The following HDAC4 variants were observed in gnomAD, a reference collection of about 807,000 sequenced individuals.
HDAC4 encodes the protein histone deacetylase 4.
A neutral mutation model predicts 135.1 loss-of-function variants in HDAC4; 16 were observed. The observed-to-expected ratio is 0.12, with a 90% CI of 0.08 to 0.18. The LOEUF is 0.18. Ranked by LOEUF, HDAC4 falls within the 10% of genes least tolerant of loss-of-function variation. The pLI is 1.00. For missense variants in HDAC4, 1,143 were observed against 1,511.8 expected (o/e 0.76, Z 4.05); for synonymous variants, 685 against 653.4 (o/e 1.05, Z -0.74).
Position 239,146,456 on chromosome 2 carries a change from A to G in HDAC4, c.734-1742T>C, listed in dbSNP as rs1463090152. Among the ~76,000 whole-genome samples, 7 of 152,148 alleles carry G rather than the reference A, an allele frequency of 4.6e-5. No individual in the cohort carries two copies. ...GGTCTTCCTCAGTGGCTGCCCTGCCACATAGAGTGGGACACGTGGCATCGG... is the reference window on the plus strand; with the variant it reads ...GGTCTTCCTCAGTGGCTGCCCTGCCGCATAGAGTGGGACACGTGGCATCGG... On this transcript the variant is annotated intron_variant, in intron 7 of 26. Coordinates refer to ENST00000543185, the MANE Select transcript of HDAC4 (RefSeq NM_001378414.1). The surrounding 1 kb of genome is among the most constrained non-coding windows in gnomAD (Gnocchi z 4.5).
chr2:239,344,816 G>A (rs62182116), intron 2 of HDAC4, among the ~76,000 whole-genome samples: 38,575 of 152,046 alleles, frequency 0.25, 5,631 homozygotes, highest in Non-Finnish European at 0.34. Context: ...AACATCAGCC[G>A]GAACTATCCA....
chr2:239,339,097 T>C (rs1307549278), intron 2 of HDAC4, among the ~76,000 whole-genome samples: 1 of 152,228 alleles, frequency 6.6e-6, no homozygotes, highest in African/African-American at 2.4e-5. Flanking sequence ...TATTGACAAG[T>C]AATTTTAACC....
chr2:239,066,685 T>C (rs1307421893), intron 24 of HDAC4, 37 bp downstream of exon 24: 2 of 1,612,610 alleles, frequency 1.2e-6, no homozygotes, highest in East Asian at 2.2e-5. Context: ...AGCCTGTCAG[T>C]GTGGAGCATC....
intron 1 of HDAC4, among the ~76,000 whole-genome samples, chr2:239,395,798 T>C (rs1216051915): frequency 6.6e-6 from 1 of 152,008 alleles, no homozygotes; most frequent in African/African-American, 2.4e-5. Flanking sequence ...TTATAAATAA[T>C]GCAGCCCCGA....
At chr2:239,368,013 T>C (rs1694338369) in intron 1 of HDAC4, among the ~76,000 whole-genome samples, 1 of 152,126 alleles carries the variant, frequency 6.6e-6, no homozygotes, top group African/African-American at 2.4e-5. Context: ...AAATTTCATG[T>C]TTAGACTCAG....
intron 2 of HDAC4, among the ~76,000 whole-genome samples, chr2:239,237,550 A>C (rs185246100): frequency 1.3e-5 from 2 of 152,046 alleles, no homozygotes; most frequent in African/African-American, 4.8e-5. Flanking sequence ...AAACAGGACA[A>C]AAACGACTAA....
intron 1 of HDAC4, among the ~76,000 whole-genome samples, chr2:239,357,916 A>G (rs1476433805): frequency 2.4e-3 from 294 of 120,132 alleles, no homozygotes; most frequent in Non-Finnish European, 3.7e-3. Flanking sequence ...AAAAAAAAAA[A>G]AGAGAGTGGG....
chr2:239,214,285 G>A (rs2046501162), intron 3 of HDAC4, among the ~76,000 whole-genome samples: 1 of 152,034 alleles, frequency 6.6e-6, no homozygotes, highest in Non-Finnish European at 1.5e-5. Context: ...GCACCTGCAT[G>A]GCCCTGTCGA....
In HDAC4 at chr2:239,369,031, G is replaced by C. The variant is rs563253693; in HGVS notation, c.-219-16113C>G. Among the ~76,000 whole-genome samples, 84 of 152,204 alleles carry C rather than the reference G, an allele frequency of 5.5e-4. 1 individual carries two copies. The highest frequency in any genetic ancestry group is 1.9e-3 in the African/African-American group (79 of 41,522). On this transcript the variant is annotated intron_variant, in intron 1 of 26. Coordinates refer to ENST00000543185, the MANE Select transcript of HDAC4 (RefSeq NM_001378414.1). ...ACACACCACTCCCCTGGTGACCCCAGGGAAGCTGCAGGAAGGTGACAAAGG... is the reference window on the plus strand; with the variant it reads ...ACACACCACTCCCCTGGTGACCCCACGGAAGCTGCAGGAAGGTGACAAAGG...
At chr2:239,191,698 T>C (rs895807) in intron 3 of HDAC4, among the ~76,000 whole-genome samples, 59,192 of 151,976 alleles carry the variant, frequency 0.39, 11,972 homozygotes, top group African/African-American at 0.5. Context: ...TCTCAGCTTC[T>C]CTGGCTGACT....
chr2:239,387,367 C>T (rs966442555), intron 1 of HDAC4, among the ~76,000 whole-genome samples: 1 of 152,224 alleles, frequency 6.6e-6, no homozygotes, highest in African/African-American at 2.4e-5. Flanking sequence ...CCGCTGCGTG[C>T]CTGGCCAGGA....
intron 6 of HDAC4, among the ~76,000 whole-genome samples, chr2:239,161,343 G>A (rs375227468): frequency 7.0e-4 from 106 of 152,156 alleles, no homozygotes; most frequent in African/African-American, 1.9e-3. Flanking sequence ...TGATTTTGGC[G>A]ACCTAAGAAA....
At chr2:239,294,788 G>A (rs2051756669) in intron 2 of HDAC4, among the ~76,000 whole-genome samples, 1 of 152,134 alleles carries the variant, frequency 6.6e-6, no homozygotes, top group African/African-American at 2.4e-5. Context: ...TCTGTAAAAT[G>A]GGGCGATGCC....
chr2:239,205,805 G>A (rs939965204), intron 3 of HDAC4, among the ~76,000 whole-genome samples: 6 of 152,070 alleles, frequency 3.9e-5, no homozygotes, highest in Non-Finnish European at 5.9e-5. Context: ...AGTAGAGAAC[G>A]GCAAGAGGTG....
chr2:239,147,688 G>A (rs986452854), intron 7 of HDAC4, among the ~76,000 whole-genome samples: 7 of 152,414 alleles, frequency 4.6e-5, no homozygotes, highest in African/African-American at 1.7e-4. Flanking sequence ...CCCACCAAGC[G>A]TGGGTGAGGG....
At chr2:239,195,519 G>A (rs1261724497) in intron 3 of HDAC4, among the ~76,000 whole-genome samples, 3 of 152,184 alleles carry the variant, frequency 2.0e-5, no homozygotes, top group East Asian at 1.9e-4. Context: ...AACCACAATC[G>A]CATTCACGCA....
intron 13 of HDAC4, among the ~76,000 whole-genome samples, chr2:239,112,012 T>G (rs1277084309): frequency 1.3e-5 from 2 of 152,036 alleles, no homozygotes; most frequent in Admixed American, 1.3e-4. Flanking sequence ...ATAACACAGG[T>G]TGAGTCAGGG....
chr2:239,350,185 G>A (rs1014484551), intron 2 of HDAC4, among the ~76,000 whole-genome samples: 3 of 151,700 alleles, frequency 2.0e-5, no homozygotes, highest in Admixed American at 1.3e-4. Flanking sequence ...ATAAGCTCTC[G>A]GTCAAAGAAA....
chr2:239,234,709 C>A (rs1248848385), intron 3 of HDAC4, among the ~76,000 whole-genome samples: 2 of 152,326 alleles, frequency 1.3e-5, no homozygotes, highest in Middle Eastern at 3.4e-3. Context: ...GAGGCGGGCC[C>A]CAGGTGCCCT....
Sources: gnomAD v4.1 joint callset for allele counts (sites outside exome capture counted in the v4.1 genomes callset) on GRCh38, gnomAD v4.1.1 for gene constraint, Gnocchi (gnomAD v3.1) non-coding constraint, MANE v1.5 for transcripts, NCBI Gene and HGNC (gene_info 2026-07-23, HGNC 2026-07-21) for gene names.